The following USO1 variants were observed in gnomAD, a reference collection of about 807,000 sequenced individuals.
USO1 encodes general vesicular transport factor p115.
A neutral mutation model predicts 124.5 loss-of-function variants in USO1; 57 were observed. That is an observed-to-expected ratio of 0.46 (90% confidence interval 0.37 to 0.57). The LOEUF is 0.57. Among genes scored for constraint, USO1 ranks in the 20% least tolerant of loss-of-function variants. USO1 has a pLI of 0.00. For synonymous variants in USO1, 369 were observed against 362.8 expected (o/e 1.02, Z -0.19); for missense variants, 900 against 1,040.6 (o/e 0.86, Z 1.86).
rs892135909 is a variant in USO1 at position 75,790,289 on chromosome 4, T to C, written c.1085+51T>C. The stretch of plus-strand genomic sequence containing the variant: ...ACTCTGAGGAAGTAAAAACTTTGGG[T>C]TGTTAATGTATCTCATATACACATC... On this transcript the variant is annotated intron_variant, in intron 11 of 23. Transcript: ENST00000514213. 2.8e-5 allele frequency: 43 copies of C among 1,549,272 alleles called. No homozygotes were observed. In the Admixed American group the frequency reaches 8.3e-4, roughly 30 times the overall value.
chr4:75,778,270 G>T (rs369590806), intron 8 of USO1, among the ~76,000 whole-genome samples: 1 of 152,156 alleles, frequency 6.6e-6, no homozygotes, highest in East Asian at 1.9e-4. Flanking sequence ...CATTTTGTAC[G>T]TTGTATGTAT....
At chr4:75,770,381 A>T in intron 4 of USO1, 58 bp from the exon 5 acceptor site, 1 of 1,444,844 alleles carries the variant, frequency 6.9e-7, no homozygotes. Context: ...CTTCAATGAA[A>T]GGATATTTTA....
chr4:75,763,314 T>G (rs1342553521), intron 4 of USO1, among the ~76,000 whole-genome samples: 1 of 152,202 alleles, frequency 6.6e-6, no homozygotes, highest in Non-Finnish European at 1.5e-5. Flanking sequence ...CAATATACAT[T>G]CAGTAGAATC....
intron 4 of USO1, among the ~76,000 whole-genome samples, chr4:75,761,620 G>GT (rs1394102957): frequency 6.6e-6 from 1 of 152,026 alleles, no homozygotes; most frequent in Non-Finnish European, 1.5e-5. Context: ...GAACTCACTA[G>GT]TTTTTTTATT....
chr4:75,729,941 T>C (rs1387445465), intron 1 of USO1: 11 of 409,080 alleles, frequency 2.7e-5, no homozygotes, highest in Non-Finnish European at 1.4e-5. Context: ...AGTTTTCGTT[T>C]AGTCAAGCAC....
intron 1 of USO1, among the ~76,000 whole-genome samples, chr4:75,735,937 A>C (rs1226153876): frequency 2.0e-5 from 3 of 152,164 alleles, no homozygotes; most frequent in Non-Finnish European, 2.9e-5. Flanking sequence ...GGCTAGCAAA[A>C]AATGTTTTTT....
chr4:75,733,427 C>G (rs1025541275), intron 1 of USO1, among the ~76,000 whole-genome samples: 16 of 152,158 alleles, frequency 1.1e-4, no homozygotes, highest in African/African-American at 3.9e-4. Context: ...TACATTCCCA[C>G]CAACAGTATA....
intron 1 of USO1, among the ~76,000 whole-genome samples, chr4:75,734,587 A>G (rs964648836): frequency 2.0e-5 from 3 of 151,812 alleles, no homozygotes; most frequent in African/African-American, 7.3e-5. Flanking sequence ...TTTGCTTAGG[A>G]TTGCTTTGGC....
At chr4:75,726,675 C>G (rs1157683882) in intron 1 of USO1, among the ~76,000 whole-genome samples, 1 of 152,210 alleles carries the variant, frequency 6.6e-6, no homozygotes, top group Non-Finnish European at 1.5e-5. Flanking sequence ...CTGTCTCTCA[C>G]TGTAACACAC....
chr4:75,762,545 A>G (rs754019486), intron 4 of USO1, among the ~76,000 whole-genome samples: 1 of 151,258 alleles, frequency 6.6e-6, no homozygotes, highest in African/African-American at 2.4e-5. Context: ...ATTGTGGCCA[A>G]TTTTTCTTTA....
At chr4:75,734,198 C>A (rs1437892834) in intron 1 of USO1, among the ~76,000 whole-genome samples, 1 of 152,174 alleles carries the variant, frequency 6.6e-6, no homozygotes, top group East Asian at 1.9e-4. Context: ...CCCACCTTGA[C>A]CTCCCAAAGT....
intron 9 of USO1, 129 bp from the exon 10 acceptor site, chr4:75,786,933 G>A: frequency 8.8e-7 from 1 of 1,138,774 alleles, no homozygotes; most frequent in Non-Finnish European, 1.1e-6. Flanking sequence ...ACGAAAGAAA[G>A]AGCACCTAAA....
At chr4:75,809,310 C>T (rs62318558) in intron 21 of USO1, among the ~76,000 whole-genome samples, 98,029 of 151,610 alleles carry the variant, frequency 0.65, 33,849 homozygotes, top group East Asian at 0.91. Context: ...TCAGTCCAAG[C>T]TGGCAGTTTT....
At chr4:75,756,586 A>AG (rs1354141324) in intron 3 of USO1, among the ~76,000 whole-genome samples, 94 of 148,696 alleles carry the variant, frequency 6.3e-4, no homozygotes, top group African/African-American at 2.2e-3. Context: ...GGCTCACTGC[A>AG]ACCTCTGCCT....
intron 5 of USO1, 53 bp downstream of exon 5, chr4:75,770,592 CT>C: frequency 1.3e-6 from 2 of 1,517,340 alleles, no homozygotes; most frequent in South Asian, 1.3e-5. Context: ...CTTTTGTTGC[CT>C]TTTGGATGTT....
intron 1 of USO1, among the ~76,000 whole-genome samples, chr4:75,738,790 T>C (rs563668451): frequency 2.0e-5 from 3 of 151,956 alleles, no homozygotes; most frequent in Non-Finnish European, 4.4e-5. Flanking sequence ...CAAGTATATA[T>C]ATATATTTTT....
intron 8 of USO1, among the ~76,000 whole-genome samples, chr4:75,780,031 A>G (rs919387304): frequency 6.6e-6 from 1 of 152,070 alleles, no homozygotes; most frequent in Admixed American, 6.6e-5. Context: ...AATATACTAA[A>G]TCTACTCTGT....
intron 1 of USO1, among the ~76,000 whole-genome samples, chr4:75,725,225 G>C (rs1231405658): frequency 6.6e-6 from 1 of 152,154 alleles, no homozygotes; most frequent in East Asian, 1.9e-4. Context: ...CACGCCCCTC[G>C]GGGCCGTGGG....
At chr4:75,771,395 T>C (rs1721930160) in intron 7 of USO1, among the ~76,000 whole-genome samples, 2 of 152,196 alleles carry the variant, frequency 1.3e-5, no homozygotes, top group Non-Finnish European at 2.9e-5. Flanking sequence ...CCACTGAGCG[T>C]GGCTGGAGTA....
Sources: gnomAD v4.1 joint callset for allele counts (sites outside exome capture counted in the v4.1 genomes callset) on GRCh38, gnomAD v4.1.1 for gene constraint, MANE v1.5 for transcripts, NCBI Gene and HGNC (gene_info 2026-07-23, HGNC 2026-07-21) for gene names.